SEL1L: variants seen among roughly 807,000 people sequenced by gnomAD.
SEL1L encodes the protein SEL1L adaptor subunit of SYVN1 ubiquitin ligase, also known as protein sel-1 homolog 1.
A neutral mutation model predicts 109.8 loss-of-function variants in SEL1L; 52 were observed. The observed-to-expected ratio is 0.47, with a 90% CI of 0.38 to 0.60. The LOEUF (loss-of-function observed/expected upper bound fraction) is 0.60. SEL1L is among the 20% of genes least tolerant of loss of function. SEL1L has a pLI of 0.00. For synonymous variants in SEL1L, 373 were observed against 339.6 expected (o/e 1.10, Z -1.08); for missense variants, 749 against 962.2 (o/e 0.78, Z 2.93).
Position 81,474,639 on chromosome 14 carries a change from C to T in SEL1L, c.*2333G>A, listed in dbSNP as rs2139972204. The T allele has an allele frequency of 6.6e-6, 1 of 152,194 alleles. No homozygotes were observed. The highest frequency in any genetic ancestry group is 1.9e-4 in the East Asian group (1 of 5,184). The allele number at this position is 152,194 out of a possible 1,614,324, so 9.4% of individuals were successfully genotyped here. On this transcript the variant is annotated 3_prime_UTR_variant, in exon 21 of 21. Transcript: ENST00000336735. Reference sequence around the variant, plus strand: ...TCCTATTTGCTTAGGTACCATGTCCCATGAACAAAAAAGAAGAAGAGAGCA... The same window carrying T: ...TCCTATTTGCTTAGGTACCATGTCCTATGAACAAAAAAGAAGAAGAGAGCA...
At chr14:81,479,889 G>T in intron 19 of SEL1L, 149 bp from the exon 20 acceptor site, 1 of 710,376 alleles carries the variant, frequency 1.4e-6, no homozygotes, top group Non-Finnish European at 2.2e-6. Flanking sequence ...AGCTTTACTT[G>T]GGTAAAATTC....
chr14:81,498,305 TA>T, intron 9 of SEL1L, 107 bp downstream of exon 9: 1 of 954,866 alleles, frequency 1.0e-6, no homozygotes, highest in East Asian at 2.6e-5. Context: ...TGAGTCCACA[TA>T]AAAGAGCCAT....
Position 81,499,668 on chromosome 14 carries a change from A to G in SEL1L, c.778-6T>C, listed in dbSNP as rs748513495. 1 of 1,602,038 alleles carries G rather than the reference A, an allele frequency of 6.2e-7. No individual in the cohort carries two copies. The highest frequency in any genetic ancestry group is 8.5e-7 in the Non-Finnish European group (1 of 1,177,254). ...GCATACAGAAAGCCAAGAGCCTGAA[A>G]TAGATGATAAAAGTAAGAAATCTTG... On this transcript the variant is annotated splice_region_variant and splice_polypyrimidine_tract_variant and intron_variant, in intron 6 of 20. Transcript: ENST00000336735.
intron 16 of SEL1L, 21 bp downstream of exon 16, chr14:81,487,369 A>G: frequency 6.4e-7 from 1 of 1,554,176 alleles, no homozygotes; most frequent in Non-Finnish European, 8.6e-7. Context: ...CCTACACACA[A>G]GCTGGTAGGA....
intron 4 of SEL1L, among the ~76,000 whole-genome samples, chr14:81,505,256 A>G (rs1483513088): frequency 6.6e-6 from 1 of 152,192 alleles, no homozygotes; most frequent in Non-Finnish European, 1.5e-5. Context: ...AAGTTCACCA[A>G]TTTTTCAAAC....
At chr14:81,508,308 G>A (rs1884323711) in intron 3 of SEL1L, among the ~76,000 whole-genome samples, 1 of 152,122 alleles carries the variant, frequency 6.6e-6, no homozygotes, top group Non-Finnish European at 1.5e-5. Flanking sequence ...CTTTGTCTAT[G>A]TTTTAAAGAA....
intron 6 of SEL1L, among the ~76,000 whole-genome samples, chr14:81,501,591 C>T (rs1418744775): frequency 6.6e-6 from 1 of 152,042 alleles, no homozygotes; most frequent in East Asian, 1.9e-4. Flanking sequence ...GTTATGACTC[C>T]TGTTATTGTT....
intron 3 of SEL1L, among the ~76,000 whole-genome samples, chr14:81,517,935 T>TAA: frequency 6.6e-6 from 1 of 152,134 alleles, no homozygotes; most frequent in African/African-American, 2.4e-5. Flanking sequence ...CTGAACTTCT[T>TAA]CTTCTTTTTT....
In SEL1L at chr14:81,506,057, T is replaced by C; in HGVS notation, c.508+17A>G. 6.2e-7 allele frequency: 1 copy of C among 1,612,064 alleles called. No homozygotes were observed. ...CATAAAGCAATGCAGATCTGCCTCC[T>C]ACTGAGCAATACTTACTTTCACAAA... On this transcript the variant is annotated intron_variant, in intron 4 of 20. Transcript: ENST00000336735.
intron 10 of SEL1L, among the ~76,000 whole-genome samples, chr14:81,496,943 T>C (rs543643141): frequency 3.0e-4 from 46 of 152,178 alleles, no homozygotes; most frequent in African/African-American, 1.1e-3. Flanking sequence ...ATGCATGTTG[T>C]GATCGCTAGA....
chr14:81,489,614 T>A (rs1442207795), intron 13 of SEL1L, among the ~76,000 whole-genome samples: 1 of 152,242 alleles, frequency 6.6e-6, no homozygotes, highest in Non-Finnish European at 1.5e-5. Flanking sequence ...GCATGACTAA[T>A]GTATTTCATC....
intron 3 of SEL1L, among the ~76,000 whole-genome samples, chr14:81,522,020 A>T (rs949395184): frequency 6.6e-6 from 1 of 151,840 alleles, no homozygotes; most frequent in African/African-American, 2.4e-5. Flanking sequence ...TTAAAAAGTT[A>T]AAAAAAAATT....
In SEL1L at chr14:81,533,788, G is replaced by A. The variant is rs1168341157; in HGVS notation, c.-44C>T. 2 of 1,583,710 alleles carry A rather than the reference G, an allele frequency of 1.3e-6. No individual in the cohort carries two copies. The highest frequency in any genetic ancestry group is 1.1e-5 in the South Asian group (1 of 89,008). ...GCCAACCCCTAGAGCTGTCGCCTTC[G>A]CCTCTGCCACCACGGACTCAGCCAC... is the stretch of plus-strand genomic sequence containing the variant. On this transcript the variant is annotated 5_prime_UTR_variant, in exon 1 of 21. Coordinates refer to ENST00000336735, the MANE Select transcript of SEL1L (RefSeq NM_005065.6).
At chr14:81,487,714 A>C in intron 15 of SEL1L, 141 bp downstream of exon 15, 1 of 1,501,926 alleles carries the variant, frequency 6.7e-7, no homozygotes. Flanking sequence ...ATGAAAAACA[A>C]GATGTACAAA....
intron 3 of SEL1L, among the ~76,000 whole-genome samples, chr14:81,516,029 T>TA (rs1206551997): frequency 6.6e-6 from 1 of 152,096 alleles, no homozygotes; most frequent in Non-Finnish European, 1.5e-5. Context: ...AAGGACACTT[T>TA]AAAAAATTGT....
chr14:81,477,037 G>A lies in SEL1L; in HGVS notation c.2320C>T (p.Pro774Ser), dbSNP rs762599595. Residue 774 changes from proline to serine, a missense_variant, in exon 21 of 21, where the codon CCT (proline) becomes TCT (serine). Pro to Ser is a moderately conservative substitution (Grantham distance 74). Coordinates refer to ENST00000336735, the MANE Select transcript of SEL1L (RefSeq NM_005065.6). ...RQHQDMPAPR[P>S]PGPRPAPPQQ... ...GGTGGAGCTGGCCGTGGCCCTGGAG[G>A]CCTGGGTGCAGGCATGTCTTGGTGC... The A allele has an allele frequency of 2.5e-6, 4 of 1,614,062 alleles. No homozygotes were observed. The South Asian group carries it at 3.3e-5, about 13-fold the overall frequency.
intron 1 of SEL1L, among the ~76,000 whole-genome samples, chr14:81,532,110 C>G (rs533131318): frequency 3.3e-5 from 5 of 152,194 alleles, no homozygotes; most frequent in Non-Finnish European, 7.4e-5. Context: ...CTTCAAATAT[C>G]TTTTCCACTG....
Position 81,527,738 on chromosome 14 carries a change from T to A in SEL1L, c.71A>T (p.Asp24Val). 6.2e-7 allele frequency: 1 copy of A among 1,600,712 alleles called. No individual in the cohort carries two copies. The highest frequency in any genetic ancestry group is 8.5e-7 in the Non-Finnish European group (1 of 1,172,188). Residue 24 changes from aspartate (D) to valine (V), a missense_variant and splice_region_variant, in exon 2 of 21, where the codon GAT (aspartate) becomes GTT (valine). This residue lies in a region of SEL1L where 366 missense variants were observed against 399.8 expected (regional missense o/e 0.92). Coordinates refer to ENST00000336735, the MANE Select transcript of SEL1L (RefSeq NM_005065.6). ...GGATTCATCCTGGCTGCCTTCTTCATCTGCAAAGAAATTTTAAGACAATTT... is the reference window on the plus strand; with the variant it reads ...GGATTCATCCTGGCTGCCTTCTTCAACTGCAAAGAAATTTTAAGACAATTT... ...VLLSLASASS[D>V]EEGSQDESLD...
intron 6 of SEL1L, among the ~76,000 whole-genome samples, chr14:81,500,160 C>CT (rs1883944590): frequency 6.6e-6 from 1 of 151,892 alleles, no homozygotes; most frequent in African/African-American, 2.4e-5. Context: ...ATCCACCCGC[C>CT]TCAGCCTCCC....
Sources: allele counts gnomAD v4.1 joint callset (sites outside exome capture counted in the v4.1 genomes callset), GRCh38; gene constraint gnomAD v4.1.1; regional missense constraint gnomAD v4.1.1; transcripts MANE v1.5; gene names NCBI Gene and HGNC (gene_info 2026-07-23, HGNC 2026-07-21).